The following LRP1B variants were observed in gnomAD, a reference collection of about 807,000 sequenced individuals.
LRP1B encodes low-density lipoprotein receptor-related protein 1B.
In LRP1B, 217 loss-of-function variants were observed where a neutral mutation model predicts 556.6. That is an observed-to-expected ratio of 0.39 (90% CI 0.35 to 0.44). The LOEUF (loss-of-function observed/expected upper bound fraction) is 0.44, where lower values mean the gene tolerates loss of function less well. Ranked by LOEUF, LRP1B falls within the 20% of genes least tolerant of loss-of-function variation. The pLI, the probability that LRP1B is intolerant of heterozygous loss-of-function variation, is 1.00. For synonymous variants in LRP1B, 2,047 were observed against 1,865.8 expected (o/e 1.10, Z -2.50); for missense variants, 5,053 against 5,620.8 (o/e 0.90, Z 3.23).
chr2:140,804,974 A>G (rs1442256453), intron 32 of LRP1B, among the ~76,000 whole-genome samples: 1 of 152,068 alleles, frequency 6.6e-6, no homozygotes, highest in Non-Finnish European at 1.5e-5. Context: ...GAAAGTATGA[A>G]CAAATGTCCT....
At chr2:140,574,256 T>C (rs182837889) in intron 43 of LRP1B, among the ~76,000 whole-genome samples, 36 of 152,238 alleles carry the variant, frequency 2.4e-4, no homozygotes, top group Non-Finnish European at 5.1e-4. Flanking sequence ...TTTAAAACTA[T>C]TTATTAAAAA....
chr2:141,610,557 T>C (rs550263866), intron 2 of LRP1B, among the ~76,000 whole-genome samples: 1 of 152,088 alleles, frequency 6.6e-6, no homozygotes, highest in African/African-American at 2.4e-5. Flanking sequence ...CCTGAGAACC[T>C]CCCCTGCCCT....
At chr2:140,744,660 A>G (rs1688259477) in intron 35 of LRP1B, among the ~76,000 whole-genome samples, 1 of 152,088 alleles carries the variant, frequency 6.6e-6, no homozygotes, top group South Asian at 2.1e-4. Flanking sequence ...ATTTGCTACA[A>G]TTCACTTCTT....
At chr2:141,690,735 A>G (rs1691499484) in intron 2 of LRP1B, among the ~76,000 whole-genome samples, 1 of 151,546 alleles carries the variant, frequency 6.6e-6, no homozygotes, top group African/African-American at 2.4e-5. Context: ...GATATAAAAT[A>G]TTAATTTCTA....
chr2:141,903,523 A>C (rs1386800511), intron 1 of LRP1B, among the ~76,000 whole-genome samples: 3 of 151,956 alleles, frequency 2.0e-5, no homozygotes, highest in African/African-American at 7.2e-5. Context: ...ATTAGAAAAT[A>C]CCAGCAAGAA....
intron 2 of LRP1B, among the ~76,000 whole-genome samples, chr2:141,517,004 T>C (rs1177670012): frequency 8.5e-5 from 1 of 11,730 alleles, no homozygotes; most frequent in Non-Finnish European, 1.9e-4. Context: ...GCCCGTCTCT[T>C]AAAAAAAAAA....
intron 12 of LRP1B, among the ~76,000 whole-genome samples, chr2:141,016,685 T>C (rs947469848): frequency 6.6e-6 from 1 of 152,090 alleles, no homozygotes; most frequent in Non-Finnish European, 1.5e-5. Flanking sequence ...TAATGTTCCA[T>C]TTGCCTCATG....
At chr2:141,868,023 C>A (rs1016633048) in intron 1 of LRP1B, among the ~76,000 whole-genome samples, 1 of 152,150 alleles carries the variant, frequency 6.6e-6, no homozygotes, top group African/African-American at 2.4e-5. Flanking sequence ...AAGTGGCAGT[C>A]ATTTAATGTA....
chr2:141,259,324 A>G (rs1342360102), intron 3 of LRP1B, among the ~76,000 whole-genome samples: 2 of 152,122 alleles, frequency 1.3e-5, no homozygotes, highest in Admixed American at 1.3e-4. Context: ...ATTTCAGGCT[A>G]TATGAGTGTG....
intron 3 of LRP1B, among the ~76,000 whole-genome samples, chr2:141,338,404 T>C (rs762323017): frequency 7.2e-5 from 11 of 152,296 alleles, no homozygotes; most frequent in Non-Finnish European, 1.6e-4. Context: ...TCTGGAGCTC[T>C]TTCTGACTGC....
intron 77 of LRP1B, 28 bp from the exon 78 acceptor site, chr2:140,335,866 G>A (rs370968975): frequency 1.6e-5 from 23 of 1,397,052 alleles, no homozygotes; most frequent in South Asian, 3.5e-5. Context: ...AACACACCAC[G>A]GTATTTTCAA....
intron 3 of LRP1B, among the ~76,000 whole-genome samples, chr2:141,397,862 T>C (rs1690300181): frequency 6.6e-6 from 1 of 151,098 alleles, no homozygotes; most frequent in Non-Finnish European, 1.5e-5. Context: ...TATATATACA[T>C]TTATATATGC....
chr2:141,056,053 T>C (rs1209227903), intron 9 of LRP1B, among the ~76,000 whole-genome samples: 1 of 151,932 alleles, frequency 6.6e-6, no homozygotes, highest in African/African-American at 2.4e-5. Flanking sequence ...ATCACCCACT[T>C]GTTTGAAATG....
At chr2:140,498,623 G>A (rs1418256888) in intron 55 of LRP1B, among the ~76,000 whole-genome samples, 2 of 151,756 alleles carry the variant, frequency 1.3e-5, no homozygotes, top group Non-Finnish European at 2.9e-5. Flanking sequence ...ATATTACAAG[G>A]AGAAGTAGGC....
Position 141,890,395 on chromosome 2 carries a change from A to ATATATATATATGTATTGTG in LRP1B, c.83-79995_83-79994insCACAATACATATATATATA, listed in dbSNP as rs1553480539. 3.3e-4 allele frequency among the ~76,000 whole-genome samples: 40 copies of ATATATATATATGTATTGTG among 122,510 alleles called. 1 individual carries two copies. Among genetic ancestry groups the ATATATATATATGTATTGTG allele is most frequent in the South Asian group, 4.5e-4 (2 of 4,396 alleles). 80.4% of individuals were successfully genotyped at this position (122,510 alleles called of 152,430 possible). On this transcript the variant is annotated intron_variant, in intron 1 of 90. Transcript: ENST00000389484. ...TATAGTGTGTATACATATATAGTGTATATATATATATATACTGAATTGAAA... is the reference window on the plus strand; with the variant it reads ...TATAGTGTGTATACATATATAGTGTATATATATATATGTATTGTGTATATATATATATACTGAATTGAAA...
intron 2 of LRP1B, among the ~76,000 whole-genome samples, chr2:141,765,060 C>T (rs918018897): frequency 6.6e-5 from 10 of 151,394 alleles, no homozygotes; most frequent in Non-Finnish European, 1.0e-4. Flanking sequence ...ATGAGTCCTG[C>T]CTGAAAGAAT....
chr2:141,745,601 C>A (rs1369351273), intron 2 of LRP1B, among the ~76,000 whole-genome samples: 1 of 151,314 alleles, frequency 6.6e-6, no homozygotes, highest in Non-Finnish European at 1.5e-5. Flanking sequence ...TGGCCCAGGG[C>A]AAGTCCAGAA....
At chr2:141,857,542 G>A (rs1237636105) in intron 1 of LRP1B, among the ~76,000 whole-genome samples, 4 of 151,676 alleles carry the variant, frequency 2.6e-5, no homozygotes, top group Non-Finnish European at 5.9e-5. Context: ...TCAACATGTT[G>A]CCCAGGTTGG....
chr2:140,963,273 A>G (rs986093085), intron 18 of LRP1B, among the ~76,000 whole-genome samples: 6 of 151,744 alleles, frequency 4.0e-5, no homozygotes, highest in African/African-American at 1.5e-4. Flanking sequence ...AAAAAAACAT[A>G]TATTCCCACT....
Sources: gnomAD v4.1 joint callset for allele counts (sites outside exome capture counted in the v4.1 genomes callset) on GRCh38, gnomAD v4.1.1 for gene constraint, MANE v1.5 for transcripts, NCBI Gene and HGNC (gene_info 2026-07-23, HGNC 2026-07-21) for gene names.